Variants in PHLPP2 observed in about 807,000 individuals in gnomAD.
The protein encoded by PHLPP2 is PH domain and leucine rich repeat protein phosphatase 2, also known as PH domain leucine-rich repeat-containing protein phosphatase 2.
A neutral mutation model predicts 124.9 loss-of-function variants in PHLPP2; 66 were observed. The observed-to-expected ratio is 0.53, with a 90% CI of 0.43 to 0.65. The LOEUF is 0.65. PHLPP2 is among the 30% of genes least tolerant of loss of function. The pLI, the probability that PHLPP2 is intolerant of heterozygous loss-of-function variation, is 0.00. For synonymous variants in PHLPP2, 681 were observed against 624.7 expected, an observed-to-expected ratio of 1.09 and a Z score of -1.34; for missense variants, 1,685 against 1,600.4, an observed-to-expected ratio of 1.05 and a Z score of -0.90.
chr16:71,671,387 T>G (rs2044891606), intron 10 of PHLPP2, among the ~76,000 whole-genome samples: 1 of 152,008 alleles, frequency 6.6e-6, no homozygotes. Flanking sequence ...CCACTGCCCC[T>G]TTGATCTGCT....
intron 3 of PHLPP2, among the ~76,000 whole-genome samples, chr16:71,693,319 C>CA (rs375802029): frequency 2.0e-5 from 3 of 152,120 alleles, no homozygotes; most frequent in Middle Eastern, 3.4e-3. Flanking sequence ...ATGCCTAAAC[C>CA]AAGTCATCAC....
chr16:71,723,666 C>A (rs918109532), intron 1 of PHLPP2: 1 of 494,400 alleles, frequency 2.0e-6, no homozygotes, highest in Admixed American at 4.4e-5. Context: ...TCAGCCACTG[C>A]GCGGGGCGGG....
chr16:71,721,580 A>G (rs2045398950), intron 1 of PHLPP2, among the ~76,000 whole-genome samples: 1 of 152,200 alleles, frequency 6.6e-6, no homozygotes, highest in Non-Finnish European at 1.5e-5. Context: ...GGGCTACACA[A>G]TGAAGCTATG....
chr16:71,655,353 A>T lies in PHLPP2; in HGVS notation c.2472T>A (p.Asn824Lys). 6.2e-7 allele frequency: 1 copy of T among 1,613,974 alleles called. No homozygotes were observed. The highest frequency in any genetic ancestry group is 8.5e-7 in the Non-Finnish European group (1 of 1,179,902). The change falls in exon 17 of 19, where the codon AAT becomes AAA. Residue 824 changes from asparagine (N) to lysine (K), a missense_variant. Coordinates refer to ENST00000568954, the MANE Select transcript of PHLPP2 (RefSeq NM_015020.3). ...AVYGMFDGDR[N>K]EELPRLLQCT... ...ACTGCAGCAGGCGCGGGAGCTCCTC[A>T]TTTCGGTCTCCATCAAACATGCCAT...
intron 8 of PHLPP2, 149 bp from the exon 9 acceptor site, chr16:71,676,798 G>C (rs904051558): frequency 4.8e-6 from 3 of 622,162 alleles, no homozygotes; most frequent in South Asian, 3.9e-5. Flanking sequence ...GCGCAGGCTG[G>C]AGTGCAATGG....
At chr16:71,650,862 T>C (rs1314333034) in intron 18 of PHLPP2, among the ~76,000 whole-genome samples, 1 of 152,252 alleles carries the variant, frequency 6.6e-6, no homozygotes, top group African/African-American at 2.4e-5. Context: ...AATGGGAGTT[T>C]AACAACTACC....
At position 71,678,910 on chromosome 16, in the gene PHLPP2, G is replaced by A. The variant is rs917134473; in HGVS notation, c.1113C>T (p.Ser371=). The A allele has an allele frequency of 6.2e-7, 1 of 1,613,226 alleles. No individual in the cohort carries two copies. Among genetic ancestry groups the A allele is most frequent in the Non-Finnish European group, 8.5e-7 (1 of 1,179,266 alleles). ...AGTTGTTGAAGGAAATTCCCAAGGAGGAAAGCTGTTGTAGATTTCCCAATT... is the reference window on the plus strand; with the variant it reads ...AGTTGTTGAAGGAAATTCCCAAGGAAGAAAGCTGTTGTAGATTTCCCAATT... The part of the protein sequence containing the change: ...PEELGNLQQL[S]SLGISFNNFS... The change falls in exon 8 of 19, where the codon TCC becomes TCT. Residue 371 remains serine (S), a synonymous_variant. Coordinates refer to ENST00000568954, the MANE Select transcript of PHLPP2 (RefSeq NM_015020.3).
At chr16:71,713,210 T>C (rs2045334867) in intron 2 of PHLPP2, among the ~76,000 whole-genome samples, 2 of 152,318 alleles carry the variant, frequency 1.3e-5, no homozygotes, top group East Asian at 1.9e-4. Context: ...AGATTTGTCG[T>C]TGGAATGCTG....
Position 71,655,327 on chromosome 16 carries a change from C to T in PHLPP2, c.2498G>A (p.Cys833Tyr). ...TTCTAAAAGCACATCTGCCATCGTACACTGCAGCAGGCGCGGGAGCTCCTC... is the reference window on the plus strand; with the variant it reads ...TTCTAAAAGCACATCTGCCATCGTATACTGCAGCAGGCGCGGGAGCTCCTC... Reference protein sequence around the residue: ...RNEELPRLLQCTMADVLLEEV... With the variant: ...RNEELPRLLQYTMADVLLEEV... Residue 833 changes from cysteine to tyrosine, a missense_variant, in exon 17 of 19, where the codon TGT becomes TAT. Coordinates refer to ENST00000568954, the MANE Select transcript of PHLPP2 (RefSeq NM_015020.3). The T allele has an allele frequency of 6.2e-7, 1 of 1,613,976 alleles. No homozygotes were observed. Among genetic ancestry groups the T allele is most frequent in the South Asian group, 1.1e-5 (1 of 91,082 alleles).
At chr16:71,697,913 T>C (rs1597011223) in intron 3 of PHLPP2, among the ~76,000 whole-genome samples, 1 of 145,776 alleles carries the variant, frequency 6.9e-6, no homozygotes, top group East Asian at 2.2e-4. Context: ...AGTGGCACCA[T>C]CTCAGCTCAC....
intron 2 of PHLPP2, among the ~76,000 whole-genome samples, chr16:71,707,249 C>G (rs1274239243): frequency 6.6e-6 from 1 of 152,014 alleles, no homozygotes; most frequent in Non-Finnish European, 1.5e-5. Context: ...GCCACCGCGC[C>G]CGGCCAAGAT....
chr16:71,668,373 G>A (rs2044858167), intron 11 of PHLPP2, among the ~76,000 whole-genome samples: 1 of 125,226 alleles, frequency 8.0e-6, no homozygotes, highest in Non-Finnish European at 1.6e-5. Context: ...CCGAGATCGC[G>A]CCACTGCACT....
At chr16:71,675,537 T>G (rs2044938266) in intron 9 of PHLPP2, among the ~76,000 whole-genome samples, 1 of 152,142 alleles carries the variant, frequency 6.6e-6, no homozygotes, top group Non-Finnish European at 1.5e-5. Context: ...TAGTAAACAT[T>G]TTAGGCTTTG....
chr16:71,710,494 T>C (rs2045316723), intron 2 of PHLPP2, among the ~76,000 whole-genome samples: 1 of 152,210 alleles, frequency 6.6e-6, no homozygotes, highest in Non-Finnish European at 1.5e-5. Flanking sequence ...TGACAATACA[T>C]GGGCAATGGT....
At chr16:71,687,374 TTTC>T (rs1274431141) in intron 4 of PHLPP2, among the ~76,000 whole-genome samples, 6 of 152,176 alleles carry the variant, frequency 3.9e-5, no homozygotes, top group Non-Finnish European at 8.8e-5. Flanking sequence ...CCACACCAGT[TTTC>T]TTTTGATTGC....
At chr16:71,656,805 C>T (rs2044745924) in intron 15 of PHLPP2, 124 bp from the exon 16 acceptor site, 1 of 588,622 alleles carries the variant, frequency 1.7e-6, no homozygotes, top group Non-Finnish European at 3.0e-6. Context: ...GGCTGGAGTG[C>T]AGTGGTGTGA....
At chr16:71,670,409 T>A (rs909329203) in intron 10 of PHLPP2, among the ~76,000 whole-genome samples, 1 of 152,008 alleles carries the variant, frequency 6.6e-6, no homozygotes, top group Non-Finnish European at 1.5e-5. Context: ...AATCAGACTG[T>A]ATTAGCTAGC....
rs142498031 is a variant in PHLPP2 at position 71,658,361 on chromosome 16, A to G, written c.2151T>C (p.Phe717=). The G allele has an allele frequency of 3.0e-5, 49 of 1,611,622 alleles. No homozygotes were observed. Among genetic ancestry groups the G allele is most frequent in the South Asian group, 1.3e-4 (12 of 90,836 alleles). Residue 717 remains phenylalanine (F), a splice_region_variant and synonymous_variant, in exon 15 of 19, where the codon TTT becomes TTC. Coordinates refer to ENST00000568954, the MANE Select transcript of PHLPP2 (RefSeq NM_015020.3). ...TCAAGTCGTTGCAACTTAGGTCTAC[A>G]AACTAAGAAAAAATTGAGAAATCAA... The part of the protein sequence containing the change: ...PEILQLPQIQ[F]VDLSCNDLTE...
At chr16:71,666,429 C>T (rs1479138375) in intron 12 of PHLPP2, among the ~76,000 whole-genome samples, 1 of 152,208 alleles carries the variant, frequency 6.6e-6, no homozygotes, top group Non-Finnish European at 1.5e-5. Flanking sequence ...GGAAGGATCA[C>T]TTGGACCCAG....
Sources: gnomAD v4.1 joint callset for allele counts (sites outside exome capture counted in the v4.1 genomes callset) on GRCh38, gnomAD v4.1.1 for gene constraint, MANE v1.5 for transcripts, NCBI Gene and HGNC (gene_info 2026-07-23, HGNC 2026-07-21) for gene names.